NRK: variants seen among roughly 807,000 people sequenced by gnomAD.
NRK encodes nik-related protein kinase.
Under a neutral mutation model 125.2 loss-of-function variants are expected in NRK, and 67 were observed. That is an observed-to-expected ratio of 0.54 (90% CI 0.44 to 0.66). The LOEUF (loss-of-function observed/expected upper bound fraction) is 0.66. Among genes scored for constraint, NRK ranks in the 30% least tolerant of loss-of-function variants. The probability of loss-of-function intolerance (pLI) is 0.00; values close to 1 mark genes in which losing one functional copy is unlikely to be tolerated. For synonymous variants in NRK, 458 were observed against 429.0 expected (o/e 1.07, Z -0.84); for missense variants, 1,224 against 1,192.9 (o/e 1.03, Z -0.38).
In NRK at chrX:105,956,672, G is replaced by A. The variant is rs1024738705; in HGVS notation, c.*1072G>A. ...ATTCAGTGATAAGTTCATGTGTAAC[G>A]ACTTAATGTTAAAGGTTAAAAAAAA... On this transcript the variant is annotated 3_prime_UTR_variant, in exon 29 of 29. Transcript: ENST00000243300. The A allele has an allele frequency of 2.7e-5, 3 of 111,474 alleles. No homozygotes were observed. Among genetic ancestry groups the A allele is most frequent in the African/African-American group, 9.8e-5 (3 of 30,717 alleles). 9.2% of individuals were successfully genotyped at this position (111,474 alleles called of 1,213,427 possible).
rs2040967718 is a variant in NRK at position 105,955,641 on chromosome X, A to G, written c.*41A>G. ...TATTACCACATTATAAACATCATGT[A>G]TAGGCAGTCTGCATCTTCAGATTTC... On this transcript the variant is annotated 3_prime_UTR_variant, in exon 29 of 29. Transcript: ENST00000243300. The G allele has an allele frequency of 2.1e-5, 14 of 660,274 alleles. No homozygotes were observed. The highest frequency in any genetic ancestry group is 2.7e-5 in the Non-Finnish European group (11 of 414,177). 54.4% of individuals were successfully genotyped at this position (660,274 alleles called of 1,213,427 possible).
chrX:105,859,469 C>T (rs1258234005), intron 2 of NRK, among the ~76,000 whole-genome samples: 1 of 111,869 alleles, frequency 8.9e-6, no homozygotes, highest in Non-Finnish European at 1.9e-5. Flanking sequence ...CTAGACTACT[C>T]TTATGCCAAT....
Position 105,928,373 on chromosome X carries a change from A to G in NRK, c.3312+3342A>G, listed in dbSNP as rs935620620. Among the ~76,000 whole-genome samples, 7 of 110,237 alleles carry G rather than the reference A, an allele frequency of 6.3e-5. No individual in the cohort carries two copies. In the East Asian group the frequency reaches 1.4e-3, roughly 23 times the overall value. ...GTTTCTGATTTTATTTGGGTCTTTT[A>G]TACTTTCTTGTTAGTTAATCTAGCT... On this transcript the variant is annotated intron_variant, in intron 19 of 28. Coordinates refer to ENST00000243300, the MANE Select transcript of NRK (RefSeq NM_198465.4).
At chrX:105,873,269 C>A in intron 2 of NRK, among the ~76,000 whole-genome samples, 1 of 111,602 alleles carries the variant, frequency 9.0e-6, no homozygotes, top group Admixed American at 9.5e-5. Flanking sequence ...CCATCAAGGA[C>A]TGTCCTGTAT....
At position 105,869,165 on chromosome X, in the gene NRK, A is replaced by G. The variant is rs184143847; in HGVS notation, c.124-11034A>G. On this transcript the variant is annotated intron_variant, in intron 2 of 28. Transcript: ENST00000243300. ...TGTTGAGGAAGGGAATGTGTGAGGC[A>G]TGGAGTTTACCCATAAAGGTCAATT... 1.1e-4 allele frequency among the ~76,000 whole-genome samples: 12 copies of G among 111,389 alleles called. No homozygotes were observed. The East Asian group carries it at 3.2e-3, about 29-fold the overall frequency.
chrX:105,889,773 G>C (rs996131310), intron 5 of NRK, among the ~76,000 whole-genome samples: 1 of 112,384 alleles, frequency 8.9e-6, no homozygotes, highest in Non-Finnish European at 1.9e-5. Context: ...CACAGCTGGA[G>C]TGGCTGGGAC....
chrX:105,916,166 T>C (rs975179542), intron 15 of NRK, among the ~76,000 whole-genome samples: 38 of 111,286 alleles, frequency 3.4e-4, no homozygotes, highest in Middle Eastern at 4.6e-3. Context: ...CACACACCAA[T>C]TGTCTTTAAC....
chrX:105,953,770 G>T (rs777493100), intron 28 of NRK, among the ~76,000 whole-genome samples: 4 of 111,534 alleles, frequency 3.6e-5, no homozygotes, highest in Non-Finnish European at 5.7e-5. Context: ...AGTTTAGATG[G>T]AAAATTTCAT....
intron 4 of NRK, among the ~76,000 whole-genome samples, chrX:105,883,395 C>A (rs1341014669): frequency 1.8e-5 from 2 of 111,953 alleles, no homozygotes; most frequent in Non-Finnish European, 3.8e-5. Flanking sequence ...TATCTTGAAT[C>A]CTTTAGGATA....
intron 2 of NRK, among the ~76,000 whole-genome samples, chrX:105,863,321 GACAC>G (rs769445045): frequency 4.3e-4 from 26 of 60,436 alleles, no homozygotes; most frequent in East Asian, 1.8e-3. Context: ...AATAGTAACA[GACAC>G]ACACACACAC....
intron 2 of NRK, among the ~76,000 whole-genome samples, chrX:105,862,743 A>G (rs990063029): frequency 1.8e-5 from 2 of 112,034 alleles, no homozygotes; most frequent in Non-Finnish European, 3.8e-5. Flanking sequence ...TTTACCATGG[A>G]TGCAATTAGT....
chrX:105,891,790 A>G (rs767601048), intron 5 of NRK, among the ~76,000 whole-genome samples: 14 of 112,052 alleles, frequency 1.2e-4, no homozygotes, highest in African/African-American at 4.5e-4. Flanking sequence ...CACCAAATTT[A>G]TAGACCTTCA....
At chrX:105,937,605 G>T in intron 22 of NRK, 23 bp downstream of exon 22, 2 of 1,139,477 alleles carry the variant, frequency 1.8e-6, no homozygotes, top group East Asian at 3.0e-5. Flanking sequence ...ACTAAAATTA[G>T]CTGAGTAATT....
chrX:105,946,235 G>A, intron 25 of NRK, 80 bp from the exon 26 acceptor site: 1 of 926,599 alleles, frequency 1.1e-6, no homozygotes, highest in East Asian at 3.3e-5. Context: ...TTATAAACCT[G>A]ACAAAAGAGT....
chrX:105,953,089 C>G lies in NRK; in HGVS notation c.4569C>G (p.Arg1523=), dbSNP rs778859997. ...TGWGQKAIEV[R]SLQSRVLESE... ...GGGGCCAAAAGGCCATTGAAGTGCG[C>G]TCTTTGCAATCCAGGGTTCTGGAAA... The change falls in exon 28 of 29, where the codon CGC becomes CGG. Residue 1523 remains arginine (R), a synonymous_variant. Transcript: ENST00000243300. The G allele has an allele frequency of 8.3e-7, 1 of 1,197,856 alleles. No individual in the cohort carries two copies. Among genetic ancestry groups the G allele is most frequent in the Non-Finnish European group, 1.1e-6 (1 of 886,304 alleles).
chrX:105,879,468 T>C (rs1294336548), intron 2 of NRK, among the ~76,000 whole-genome samples: 1 of 111,513 alleles, frequency 9.0e-6, no homozygotes, highest in Non-Finnish European at 1.9e-5. Context: ...AACCTATGTG[T>C]TCACCTTTAA....
chrX:105,876,026 A>T (rs2147701212), intron 2 of NRK, among the ~76,000 whole-genome samples: 1 of 111,001 alleles, frequency 9.0e-6, no homozygotes, highest in East Asian at 2.8e-4. Context: ...ACATAGAAAG[A>T]CAAATAATGG....
chrX:105,952,841 G>A (rs918368911), intron 27 of NRK, among the ~76,000 whole-genome samples, 193 bp from the exon 28 acceptor site: 6 of 111,841 alleles, frequency 5.4e-5, no homozygotes, highest in African/African-American at 2.0e-4. Flanking sequence ...GGTGCCTTTA[G>A]ATAGCCAGTT....
At chrX:105,870,458 C>G (rs776872433) in intron 2 of NRK, among the ~76,000 whole-genome samples, 1 of 111,686 alleles carries the variant, frequency 9.0e-6, no homozygotes, top group East Asian at 2.8e-4. Context: ...TACTTTTGTC[C>G]CCTGTAGATC....
Sources: allele counts gnomAD v4.1 joint callset (sites outside exome capture counted in the v4.1 genomes callset), GRCh38; gene constraint gnomAD v4.1.1; transcripts MANE v1.5; gene names NCBI Gene and HGNC (gene_info 2026-07-23, HGNC 2026-07-21).